Variants in TEX9 observed in about 807,000 individuals in gnomAD.
TEX9 encodes testis-expressed protein 9.
TEX9 carries 74 observed loss-of-function variants against 59.6 expected under a neutral mutation model. That is an observed-to-expected ratio of 1.24 (90% CI 1.03 to 1.51). The LOEUF (loss-of-function observed/expected upper bound fraction) is 1.51. TEX9 is among the 40% of genes most tolerant of loss of function. TEX9 has a pLI of 0.00. For synonymous variants in TEX9, 186 were observed against 152.2 expected (o/e 1.22, Z -1.64); for missense variants, 522 against 447.8 (o/e 1.17, Z -1.49).
At chr15:56,447,478 A>G (rs907560815), downstream of TEX9, 1 of 152,092 alleles carries the variant, frequency 6.6e-6, no homozygotes. Flanking sequence ...CGATGTTTAT[A>G]TCTGTGTTTT....
intron 9 of TEX9, among the ~76,000 whole-genome samples, chr15:56,410,431 T>A (rs1334140544): frequency 1.3e-5 from 2 of 152,108 alleles, no homozygotes; most frequent in African/African-American, 4.8e-5. Context: ...CTCACAGTAT[T>A]TGAATTTTAA....
intron 1 of TEX9, among the ~76,000 whole-genome samples, chr15:56,320,984 C>T (rs2725852): frequency 0.46 from 70,542 of 152,010 alleles, 18,881 homozygotes; most frequent in Non-Finnish European, 0.6. Context: ...CAAAGTTTGT[C>T]AAAGCCACTT....
upstream of TEX9, chr15:56,365,306 G>A: frequency 2.7e-6 from 3 of 1,131,500 alleles, no homozygotes; most frequent in Non-Finnish European, 3.7e-6. Flanking sequence ...CAAAGGCCGA[G>A]CCCGCTGCCA....
chr15:56,417,432 C>G (rs1172356395), intron 10 of TEX9, among the ~76,000 whole-genome samples: 1 of 151,812 alleles, frequency 6.6e-6, no homozygotes, highest in East Asian at 1.9e-4. Context: ...TTATTTCTGA[C>G]ATAATTTCAT....
rs62045725 is a variant in TEX9, at chr15:56,300,700, A to G, written c.-107+56422A>G. ...AGCAACTCAGCAGAGAGAGAGAGAGAGAGAGAGGGAGAGAGAGAGAGAGAG... is the reference window on the plus strand; with the variant it reads ...AGCAACTCAGCAGAGAGAGAGAGAGGGAGAGAGGGAGAGAGAGAGAGAGAG... On this transcript the variant is annotated intron_variant, in intron 1 of 5. Coordinates refer to the TEX9 transcript ENST00000560827. Among the ~76,000 whole-genome samples, 662 of 103,696 alleles carry G rather than the reference A, an allele frequency of 6.4e-3. 9 individuals are homozygous for G. Among genetic ancestry groups the G allele is most frequent in the African/African-American group, 0.021 (580 of 26,984 alleles). 68.0% of individuals were successfully genotyped at this position (103,696 alleles called of 152,430 possible).
intron 12 of TEX9, chr15:56,443,560 T>G: frequency 6.4e-7 from 1 of 1,572,652 alleles, no homozygotes. Flanking sequence ...TTAAAAAACA[T>G]AAATATTTAT....
intron 1 of TEX9, among the ~76,000 whole-genome samples, chr15:56,319,711 A>G (rs1206990543): frequency 6.6e-6 from 1 of 152,198 alleles, no homozygotes; most frequent in African/African-American, 2.4e-5. Flanking sequence ...AGCACAGTCA[A>G]AATTGGCCCT....
chr15:56,396,232 A>G (rs1235078367), intron 9 of TEX9: 1 of 152,104 alleles, frequency 6.6e-6, no homozygotes, highest in Non-Finnish European at 1.5e-5. Flanking sequence ...ATATTTAAAA[A>G]CCCTGCTTTT....
intron 1 of TEX9, among the ~76,000 whole-genome samples, chr15:56,340,945 C>T (rs1409724460): frequency 1.3e-5 from 2 of 151,870 alleles, no homozygotes; most frequent in African/African-American, 2.4e-5. Context: ...CCATAGGGTT[C>T]GGGCACACCT....
intron 1 of TEX9, among the ~76,000 whole-genome samples, chr15:56,340,769 G>C (rs1230278530): frequency 5.9e-5 from 9 of 152,098 alleles, no homozygotes; most frequent in Admixed American, 5.2e-4. Context: ...ATCGTGCTGT[G>C]ATTTGACCCT....
chr15:56,278,405 G>A (rs1195382229), intron 1 of TEX9, among the ~76,000 whole-genome samples: 9 of 152,128 alleles, frequency 5.9e-5, no homozygotes, highest in Non-Finnish European at 1.2e-4. Context: ...GGTTAGTTGC[G>A]GGTTGCCGTT....
At chr15:56,256,274 C>T (rs2044143156) in intron 1 of TEX9, among the ~76,000 whole-genome samples, 1 of 151,944 alleles carries the variant, frequency 6.6e-6, no homozygotes, top group Non-Finnish European at 1.5e-5. Context: ...TACTAAATAA[C>T]CCGGCCAAGG....
At chr15:56,393,014 T>C (rs577980734) in intron 7 of TEX9, among the ~76,000 whole-genome samples, 6 of 152,258 alleles carry the variant, frequency 3.9e-5, no homozygotes, top group African/African-American at 1.4e-4. Context: ...ACAGATTACT[T>C]TGTAAGATTA....
At chr15:56,340,449 T>G (rs2046351073) in intron 1 of TEX9, among the ~76,000 whole-genome samples, 1 of 152,220 alleles carries the variant, frequency 6.6e-6, no homozygotes, top group Non-Finnish European at 1.5e-5. Context: ...TATTCCCTTT[T>G]GAAGGAACAT....
chr15:56,354,743 T>C (rs2046653332), intron 1 of TEX9, among the ~76,000 whole-genome samples: 1 of 152,108 alleles, frequency 6.6e-6, no homozygotes, highest in Non-Finnish European at 1.5e-5. Context: ...ACTTGTAGAA[T>C]GGGTGTTACT....
chr15:56,452,324 G>A, the TEX9 span, among the ~76,000 whole-genome samples: 10 of 152,118 alleles, frequency 6.6e-5, no homozygotes, highest in Admixed American at 5.9e-4. Flanking sequence ...CACAGGACAC[G>A]CTTAATTCCC....
intron 10 of TEX9, among the ~76,000 whole-genome samples, chr15:56,416,840 C>A (rs200132894): frequency 2.0e-5 from 3 of 151,760 alleles, no homozygotes; most frequent in East Asian, 3.9e-4. Flanking sequence ...GGGTCCCAGG[C>A]TTTTTTTGAT....
chr15:56,415,289 C>G (rs2049617883), intron 10 of TEX9, among the ~76,000 whole-genome samples: 1 of 151,728 alleles, frequency 6.6e-6, no homozygotes, highest in Non-Finnish European at 1.5e-5. Flanking sequence ...CTTTTTCTGT[C>G]TTTGTCGTGA....
chr15:56,329,416 A>G (rs137992331), intron 1 of TEX9, among the ~76,000 whole-genome samples: 1 of 152,326 alleles, frequency 6.6e-6, no homozygotes, highest in East Asian at 1.9e-4. Context: ...CAAGGAAAAC[A>G]TAATGACACC....
Sources: gnomAD v4.1 joint callset for allele counts (sites outside exome capture counted in the v4.1 genomes callset) on GRCh38, gnomAD v4.1.1 for gene constraint, MANE v1.5 for transcripts, NCBI Gene and HGNC (gene_info 2026-07-23, HGNC 2026-07-21) for gene names.